PDE4B: variants seen among roughly 807,000 people sequenced by gnomAD.
PDE4B encodes the protein phosphodiesterase 4B, also known as 3',5'-cyclic-AMP phosphodiesterase 4B.
In PDE4B, 20 loss-of-function variants were observed where a neutral mutation model predicts 82.2. The ratio of observed to expected loss-of-function variants is 0.24; its 90% CI spans 0.17 to 0.35. The LOEUF is 0.35. PDE4B is among the 10% of genes least tolerant of loss of function. PDE4B has a pLI of 1.00. For synonymous variants in PDE4B, 320 were observed against 318.9 expected, an observed-to-expected ratio of 1.00 and a Z score of -0.04; for missense variants, 655 against 907.2, an observed-to-expected ratio of 0.72 and a Z score of 3.57.
At chr1:66,247,259 G>A (rs1043493425) in intron 3 of PDE4B, among the ~76,000 whole-genome samples, 1 of 152,136 alleles carries the variant, frequency 6.6e-6, no homozygotes, top group Non-Finnish European at 1.5e-5. Flanking sequence ...ACTTCAGTGC[G>A]ACTCAGTTTC....
At chr1:66,021,472 C>A (rs1653106144) in intron 3 of PDE4B, among the ~76,000 whole-genome samples, 1 of 152,176 alleles carries the variant, frequency 6.6e-6, no homozygotes, top group Non-Finnish European at 1.5e-5. Flanking sequence ...AGTCTTTAAT[C>A]CATCTTGAAT....
chr1:66,363,520 T>C lies in PDE4B; in HGVS notation c.1233T>C (p.Ala411=). 1 of 1,613,836 alleles carries C rather than the reference T, an allele frequency of 6.2e-7. No individual in the cohort carries two copies. Among genetic ancestry groups the C allele is most frequent in the Non-Finnish European group, 8.5e-7 (1 of 1,179,832 alleles). The change falls in exon 12 of 17, where the codon GCT becomes GCC. Residue 411 remains alanine, a synonymous_variant. Transcript: ENST00000341517. ...TGGCATATCACAACAGCCTGCACGCTGCTGATGTAGCCCAGTCGACCCATG... is the reference window on the plus strand; with the variant it reads ...TGGCATATCACAACAGCCTGCACGCCGCTGATGTAGCCCAGTCGACCCATG... ...SDVAYHNSLH[A]ADVAQSTHVL...
intron 3 of PDE4B, among the ~76,000 whole-genome samples, chr1:66,196,667 G>A (rs1648323236): frequency 6.6e-6 from 1 of 152,066 alleles, no homozygotes; most frequent in Non-Finnish European, 1.5e-5. Context: ...TAGGGACATG[G>A]ATGAAATTGG....
chr1:65,841,869 G>A (rs1005699500), intron 1 of PDE4B, among the ~76,000 whole-genome samples: 31 of 152,014 alleles, frequency 2.0e-4, no homozygotes, highest in African/African-American at 6.3e-4. Flanking sequence ...TTTCTACCCT[G>A]ATTGAATAAT....
At chr1:66,223,685 C>T (rs994005853) in intron 3 of PDE4B, among the ~76,000 whole-genome samples, 4 of 151,960 alleles carry the variant, frequency 2.6e-5, no homozygotes, top group African/African-American at 7.3e-5. Flanking sequence ...TTTTCATTCC[C>T]CCCCAGCCCC....
chr1:65,984,313 G>T (rs1650842271), intron 3 of PDE4B, among the ~76,000 whole-genome samples: 1 of 152,138 alleles, frequency 6.6e-6, no homozygotes, highest in Non-Finnish European at 1.5e-5. Context: ...AGATTGCCAG[G>T]GATTAGTGGT....
At chr1:66,315,171 T>C (rs936268133) in intron 7 of PDE4B, among the ~76,000 whole-genome samples, 4 of 152,242 alleles carry the variant, frequency 2.6e-5, no homozygotes, top group African/African-American at 7.2e-5. Context: ...TTAGAGATAT[T>C]TTGTTCAGGG....
chr1:66,092,449 T>C (rs762450388), intron 3 of PDE4B, among the ~76,000 whole-genome samples: 28 of 152,034 alleles, frequency 1.8e-4, no homozygotes, highest in Non-Finnish European at 2.8e-4. Context: ...TAATTAAATA[T>C]TTATTATGGA....
intron 1 of PDE4B, among the ~76,000 whole-genome samples, chr1:65,842,320 A>C (rs1267556022): frequency 1.3e-5 from 2 of 152,162 alleles, no homozygotes; most frequent in Non-Finnish European, 2.9e-5. Flanking sequence ...ATTCAGTATT[A>C]TAATTCATAT....
chr1:65,859,621 TA>T (rs536037494), intron 1 of PDE4B, among the ~76,000 whole-genome samples: 1 of 152,130 alleles, frequency 6.6e-6, no homozygotes, highest in East Asian at 1.9e-4. Context: ...GAGCTTGCTG[TA>T]AAAAAAGGAA....
chr1:66,127,366 C>T (rs1645845250), intron 3 of PDE4B, among the ~76,000 whole-genome samples: 1 of 151,882 alleles, frequency 6.6e-6, no homozygotes, highest in Admixed American at 6.6e-5. Context: ...TGTCTTTACA[C>T]GTTAGGGATA....
At chr1:66,218,785 T>C (rs929298668) in intron 3 of PDE4B, among the ~76,000 whole-genome samples, 3 of 152,192 alleles carry the variant, frequency 2.0e-5, no homozygotes, top group African/African-American at 7.2e-5. Flanking sequence ...TTAGCACTCT[T>C]AACACTTATT....
At chr1:65,875,494 A>G (rs1646628918) in intron 1 of PDE4B, among the ~76,000 whole-genome samples, 3 of 145,490 alleles carry the variant, frequency 2.1e-5, no homozygotes, top group Admixed American at 1.4e-4. Flanking sequence ...ATAAAGACAC[A>G]TGCACACATA....
chr1:66,274,901 C>T (rs1356436420), intron 7 of PDE4B, among the ~76,000 whole-genome samples: 1 of 152,134 alleles, frequency 6.6e-6, no homozygotes, highest in Admixed American at 6.5e-5. Flanking sequence ...GTCTACTTTG[C>T]TTCCATAATA....
At chr1:66,315,094 C>T (rs1278665939) in intron 7 of PDE4B, among the ~76,000 whole-genome samples, 1 of 152,232 alleles carries the variant, frequency 6.6e-6, no homozygotes, top group Non-Finnish European at 1.5e-5. Flanking sequence ...ACATCATTCT[C>T]TTCCCACTTG....
At chr1:66,210,595 C>CAAAAAAAA (rs35825766) in intron 3 of PDE4B, among the ~76,000 whole-genome samples, 75 of 45,398 alleles carry the variant, frequency 1.7e-3, no homozygotes, top group South Asian at 2.1e-3. Context: ...GACTCCATCT[C>CAAAAAAAA]AAAAAAAAAA....
chr1:66,138,569 A>G (rs1467419372), intron 3 of PDE4B, among the ~76,000 whole-genome samples: 2 of 152,182 alleles, frequency 1.3e-5, no homozygotes, highest in Admixed American at 6.5e-5. Flanking sequence ...GCCATCATGA[A>G]TTGCAAAATG....
chr1:65,967,921 A>G (rs1345592174), intron 3 of PDE4B, among the ~76,000 whole-genome samples: 1 of 152,090 alleles, frequency 6.6e-6, no homozygotes, highest in Non-Finnish European at 1.5e-5. Flanking sequence ...TAATGTAGAT[A>G]ATGGGTTGAT....
At chr1:65,840,348 A>G (rs1646193079) in intron 1 of PDE4B, among the ~76,000 whole-genome samples, 2 of 152,196 alleles carry the variant, frequency 1.3e-5, no homozygotes, top group South Asian at 2.1e-4. Flanking sequence ...AGAAAAACAT[A>G]TAGTTATACT....
Sources: allele counts gnomAD v4.1 joint callset (sites outside exome capture counted in the v4.1 genomes callset), GRCh38; gene constraint gnomAD v4.1.1; transcripts MANE v1.5; gene names NCBI Gene and HGNC (gene_info 2026-07-23, HGNC 2026-07-21).